Variants in CCDC88B observed in about 807,000 individuals in gnomAD.
CCDC88B encodes the protein coiled-coil domain-containing protein 88B.
CCDC88B carries 138 observed loss-of-function variants against 183.7 expected under a neutral mutation model. The ratio of observed to expected loss-of-function variants is 0.75; its 90% CI spans 0.65 to 0.87. The LOEUF (loss-of-function observed/expected upper bound fraction) is 0.87. CCDC88B is among the 40% of genes least tolerant of loss of function. The pLI is 0.00. For synonymous variants in CCDC88B, 835 were observed against 867.5 expected, an observed-to-expected ratio of 0.96 and a Z score of 0.66; for missense variants, 1,822 against 1,965.6, an observed-to-expected ratio of 0.93 and a Z score of 1.38.
intron 14 of CCDC88B, chr11:64,348,990 G>T: frequency 1.4e-6 from 1 of 717,464 alleles, no homozygotes; most frequent in Non-Finnish European, 2.6e-6. Context: ...CATGGCTGGG[G>T]TGGCAGCCCA....
At chr11:64,353,931 G>A in intron 23 of CCDC88B, 73 bp from the exon 24 acceptor site, 1 of 1,565,976 alleles carries the variant, frequency 6.4e-7, no homozygotes, top group Non-Finnish European at 8.7e-7. Context: ...CCTGGCCTTT[G>A]ACATCCCCAG....
intron 9 of CCDC88B, 72 bp from the exon 10 acceptor site, chr11:64,342,450 C>T: frequency 6.5e-7 from 1 of 1,543,218 alleles, no homozygotes; most frequent in South Asian, 1.2e-5. Flanking sequence ...TCCCTCCCAA[C>T]CCGGCTCCTT....
At chr11:64,351,374 C>A in intron 17 of CCDC88B, 102 bp from the exon 18 acceptor site, 2 of 1,523,930 alleles carry the variant, frequency 1.3e-6, no homozygotes, top group Non-Finnish European at 8.8e-7. Context: ...TCACAGTGGG[C>A]CCGGGGGTGG....
rs1050595355 is a variant in CCDC88B, at chr11:64,340,897, C to T, written c.207-10C>T. 6.5e-7 allele frequency: 1 copy of T among 1,543,070 alleles called. No homozygotes were observed. The highest frequency in any genetic ancestry group is 1.3e-5 in the South Asian group (1 of 79,924). ...GGAGGCGGGTCCTCGAGCCCACCTC[C>T]GGCTCATAGTGCCCCCAGCTCCCGA... is the stretch of plus-strand genomic sequence containing the variant. On this transcript the variant is annotated splice_polypyrimidine_tract_variant and intron_variant, in intron 2 of 26. Coordinates refer to ENST00000356786, the MANE Select transcript of CCDC88B (RefSeq NM_032251.6).
chr11:64,352,537 C>A, intron 19 of CCDC88B, 151 bp downstream of exon 19: 4 of 1,340,458 alleles, frequency 3.0e-6, no homozygotes, highest in Non-Finnish European at 4.0e-6. Flanking sequence ...GGTAGCTGTG[C>A]TCCCCACACT....
chr11:64,340,871 G>A, intron 2 of CCDC88B, 36 bp from the exon 3 acceptor site: 1 of 1,535,028 alleles, frequency 6.5e-7, no homozygotes, highest in Non-Finnish European at 8.8e-7. Context: ...GCCTGTTGAC[G>A]GGAGGCGGGT....
chr11:64,354,594 T>C (rs868714334), intron 24 of CCDC88B, among the ~76,000 whole-genome samples: 1 of 149,546 alleles, frequency 6.7e-6, no homozygotes, highest in Non-Finnish European at 1.5e-5. Context: ...CCCCCACCTC[T>C]GCACCTCCCC....
chr11:64,342,182 C>T (rs1389101223), intron 8 of CCDC88B, 43 bp downstream of exon 8: 2 of 1,596,158 alleles, frequency 1.3e-6, no homozygotes, highest in Non-Finnish European at 1.7e-6. Flanking sequence ...TGGAGAGGGG[C>T]AGATTAAGCC....
intron 26 of CCDC88B, 110 bp downstream of exon 26, chr11:64,355,738 G>T (rs1302088353): frequency 1.8e-6 from 2 of 1,085,976 alleles, no homozygotes; most frequent in Non-Finnish European, 2.6e-6. Flanking sequence ...CCAAGTGCCA[G>T]GTGACGTGCT....
chr11:64,342,676 T>G lies in CCDC88B; in HGVS notation c.1058T>G (p.Leu353Arg), dbSNP rs1268223186. The change falls in exon 10 of 27, where the codon CTG (leucine) becomes CGG (arginine). Residue 353 changes from leucine to arginine, a missense_variant. Transcript: ENST00000356786. ...LQAAEAYKSQ[L>R]EEERVLSGVL... ...GCGGCTGAGGCCTACAAGAGTCAGCTGGAGGTGAGGCGGAGACGGAGCCGC... is the reference window on the plus strand; with the variant it reads ...GCGGCTGAGGCCTACAAGAGTCAGCGGGAGGTGAGGCGGAGACGGAGCCGC... 2.0e-6 allele frequency: 3 copies of G among 1,489,560 alleles called. No homozygotes were observed. Among genetic ancestry groups the G allele is most frequent in the Non-Finnish European group, 8.9e-7 (1 of 1,125,914 alleles). 92.3% of individuals were successfully genotyped at this position (1,489,560 alleles called of 1,614,324 possible).
intron 26 of CCDC88B, chr11:64,356,715 G>A: frequency 2.4e-6 from 1 of 415,396 alleles, no homozygotes; most frequent in South Asian, 6.0e-5. Context: ...GCTCTGGGAA[G>A]AAAGGAGAGC....
At position 64,351,515 on chromosome 11, in the gene CCDC88B, C is replaced by T; in HGVS notation, c.2998C>T (p.Gln1000Ter). The T allele has an allele frequency of 6.3e-7, 1 of 1,583,072 alleles. No individual in the cohort carries two copies. The highest frequency in any genetic ancestry group is 8.5e-7 in the Non-Finnish European group (1 of 1,172,170). ...GGCAGAGAAGGCAGCTTTGCAGGGG[C>T]AGCTGCAGCACCTGGAGGGGCAGCT... ...LVAEKAALQG[Q>*]LQHLEGQLGS... Residue 1000 changes from glutamine (Q) to a stop codon, truncating the protein, a stop_gained, in exon 18 of 27, where the codon CAG becomes TAG. Transcript: ENST00000356786. LOFTEE classifies it high-confidence loss of function.
chr11:64,350,545 G>T (rs944313846), intron 16 of CCDC88B: 3 of 152,258 alleles, frequency 2.0e-5, no homozygotes, highest in African/African-American at 7.2e-5. Context: ...TGTTAGCTGG[G>T]CATGGTAGTG....
intron 14 of CCDC88B, among the ~76,000 whole-genome samples, chr11:64,347,420 A>G (rs1452992208): frequency 6.6e-6 from 1 of 152,232 alleles, no homozygotes; most frequent in African/African-American, 2.4e-5. Context: ...GTCATCCTGC[A>G]CAGGCAGTTT....
intron 14 of CCDC88B, among the ~76,000 whole-genome samples, chr11:64,347,826 G>A (rs1008715686): frequency 1.4e-4 from 21 of 152,238 alleles, no homozygotes; most frequent in Admixed American, 4.6e-4. Context: ...TGAGGTGGGC[G>A]GATGACCGGA....
chr11:64,341,385 G>A (rs1485015262), intron 5 of CCDC88B, 36 bp from the exon 6 acceptor site: 1 of 1,613,924 alleles, frequency 6.2e-7, no homozygotes. Flanking sequence ...AGAGGAGGGA[G>A]ATCCTGCACC....
intron 14 of CCDC88B, among the ~76,000 whole-genome samples, 172 bp downstream of exon 14, chr11:64,345,329 G>C (rs1281013619): frequency 1.3e-5 from 2 of 152,176 alleles, no homozygotes; most frequent in Non-Finnish European, 2.9e-5. Context: ...CTGGGGCACA[G>C]AGCCATGTCC....
Position 64,353,230 on chromosome 11 carries a change from C to T in CCDC88B, c.3677C>T (p.Thr1226Met), listed in dbSNP as rs1395344698. ...QLDLSACRLTTQCELLTQLRS... is the reference protein window; with the variant it reads ...QLDLSACRLTMQCELLTQLRS... ...GACCTGAGCGCCTGCCGGCTGACCA[C>T]GCAGTGTGAGGTGTGGCTGGAGGGC... The change falls in exon 21 of 27, where the codon ACG (threonine) becomes ATG (methionine). Residue 1226 changes from threonine to methionine, a missense_variant. Physicochemically the swap from Thr to Met is moderately conservative, Grantham distance 81. Coordinates refer to ENST00000356786, the MANE Select transcript of CCDC88B (RefSeq NM_032251.6). 5 of 1,565,638 alleles carry T rather than the reference C, an allele frequency of 3.2e-6. No individual in the cohort carries two copies. Among genetic ancestry groups the T allele is most frequent in the South Asian group, 1.2e-5 (1 of 85,120 alleles).
chr11:64,352,868 C>CT lies in CCDC88B; in HGVS notation c.3483dup (p.Gln1162SerfsTer20). 1 of 1,602,702 alleles carries CT rather than the reference C, an allele frequency of 6.2e-7. No homozygotes were observed. Among genetic ancestry groups the CT allele is most frequent in the Non-Finnish European group, 8.5e-7 (1 of 1,175,764 alleles). ...GGGCCTGGAGGAGGAGCTGCGGAGG[C>CT]TTCAGAGCGAGCACGACAGGTGCCG... On this transcript the variant is annotated frameshift_variant, in exon 20 of 27. Coordinates refer to ENST00000356786, the MANE Select transcript of CCDC88B (RefSeq NM_032251.6). LOFTEE classifies it high-confidence loss of function.
Sources: allele counts gnomAD v4.1 joint callset (sites outside exome capture counted in the v4.1 genomes callset), GRCh38; gene constraint gnomAD v4.1.1; transcripts MANE v1.5; gene names NCBI Gene and HGNC (gene_info 2026-07-23, HGNC 2026-07-21).